The following CACNA2D1 variants were observed in gnomAD, a reference collection of about 807,000 sequenced individuals.
The protein encoded by CACNA2D1 is voltage-dependent calcium channel subunit alpha-2/delta-1.
In CACNA2D1, 53 loss-of-function variants were observed where a neutral mutation model predicts 171.5. That is an observed-to-expected ratio of 0.31 (90% CI 0.25 to 0.39). The LOEUF (loss-of-function observed/expected upper bound fraction) is 0.39. CACNA2D1 is among the 10% of genes least tolerant of loss of function. The pLI is 1.00. For synonymous variants in CACNA2D1, 442 were observed against 443.1 expected (o/e 1.00, Z 0.03); for missense variants, 903 against 1,299.8 (o/e 0.69, Z 4.69).
rs1554453722 is a variant in CACNA2D1, at chr7:82,192,509, T to TGA, written c.295-21902_295-21901dup. Reference sequence around the variant, plus strand: ...GTGTGTGTGTGTGTGTGTGTGTGTGTGAATATAGAGACAGGTAAAAAGAAT... The same window carrying TGA: ...GTGTGTGTGTGTGTGTGTGTGTGTGTGAGAATATAGAGACAGGTAAAAAGAAT... On this transcript the variant is annotated intron_variant, in intron 3 of 38. Coordinates refer to ENST00000356860, the MANE Select transcript of CACNA2D1 (RefSeq NM_000722.4). Among the ~76,000 whole-genome samples the TGA allele has an allele frequency of 3.9e-5, 5 of 126,798 alleles. No individual in the cohort carries two copies. The South Asian group carries it at 1.3e-3, about 32-fold the overall frequency. The allele number at this position is 126,798 out of a possible 152,430, so 83.2% of individuals were successfully genotyped here. A position where few individuals can be genotyped will look rare whatever the true frequency, so the allele number is the denominator to read the frequency against.
intron 9 of CACNA2D1, among the ~76,000 whole-genome samples, chr7:82,061,388 G>A (rs1011920127): frequency 2.6e-4 from 40 of 152,158 alleles, no homozygotes; most frequent in African/African-American, 9.6e-4. Context: ...ATTATACGAA[G>A]ATGCTGAGCT....
chr7:82,191,161 G>A (rs1213912694), intron 3 of CACNA2D1, among the ~76,000 whole-genome samples: 1 of 151,650 alleles, frequency 6.6e-6, no homozygotes, highest in Non-Finnish European at 1.5e-5. Context: ...AGAAATCAAA[G>A]AGTTAAGGGA....
At chr7:82,203,441 A>C (rs900900110) in intron 3 of CACNA2D1, among the ~76,000 whole-genome samples, 8 of 152,288 alleles carry the variant, frequency 5.3e-5, no homozygotes, top group African/African-American at 1.9e-4. Context: ...GCAGGGCTAT[A>C]GCATAGCCCC....
intron 3 of CACNA2D1, among the ~76,000 whole-genome samples, chr7:82,316,755 G>C (rs774159221): frequency 1.3e-5 from 2 of 152,148 alleles, no homozygotes; most frequent in South Asian, 2.1e-4. Flanking sequence ...GAAGGCACAG[G>C]AGAAGCAAAG....
chr7:81,963,838 A>T (rs1794422911), intron 34 of CACNA2D1, among the ~76,000 whole-genome samples: 1 of 152,048 alleles, frequency 6.6e-6, no homozygotes. Flanking sequence ...TTACATCCGC[A>T]TAACATTGTT....
chr7:82,241,483 C>A (rs945019584), intron 3 of CACNA2D1, among the ~76,000 whole-genome samples: 3 of 152,148 alleles, frequency 2.0e-5, no homozygotes, highest in African/African-American at 7.2e-5. Context: ...CAATACCCCA[C>A]AATGAAATCT....
rs1799257951 is a variant in CACNA2D1, at chr7:82,007,555, G to T, written c.1440+124C>A. On this transcript the variant is annotated intron_variant, in intron 16 of 38. Coordinates refer to ENST00000356860, the MANE Select transcript of CACNA2D1 (RefSeq NM_000722.4). Reference sequence around the variant, plus strand: ...TATCGCATAGGCAGCTGTTGCCTTTGACCTCTGGCCTCACAAGACAATTAC... The same window carrying T: ...TATCGCATAGGCAGCTGTTGCCTTTTACCTCTGGCCTCACAAGACAATTAC... The T allele has an allele frequency of 9.2e-6, 6 of 652,222 alleles. No individual in the cohort carries two copies. The East Asian group carries it at 1.7e-4, about 18-fold the overall frequency. The allele number at this position is 652,222 out of a possible 1,614,324, so 40.4% of individuals were successfully genotyped here.
At chr7:82,295,093 G>A (rs1157023992) in intron 3 of CACNA2D1, among the ~76,000 whole-genome samples, 42 of 152,088 alleles carry the variant, frequency 2.8e-4, no homozygotes, top group Admixed American at 2.8e-3. Context: ...ATCGTTTTTG[G>A]AGAACACCTA....
chr7:82,220,359 G>A (rs1269955256), intron 3 of CACNA2D1, among the ~76,000 whole-genome samples: 1 of 152,064 alleles, frequency 6.6e-6, no homozygotes, highest in Admixed American at 6.6e-5. Context: ...GGGTTTAGGT[G>A]GATCTTTACT....
intron 3 of CACNA2D1, among the ~76,000 whole-genome samples, chr7:82,194,810 C>T (rs4732432): frequency 0.83 from 126,418 of 151,786 alleles, 53,300 homozygotes; most frequent in Non-Finnish European, 0.9. Flanking sequence ...CTCTCAAGTG[C>T]ATTCTAGAAT....
At chr7:82,261,360 A>T (rs781209809) in intron 3 of CACNA2D1, among the ~76,000 whole-genome samples, 5 of 152,186 alleles carry the variant, frequency 3.3e-5, no homozygotes, top group Non-Finnish European at 5.9e-5. Flanking sequence ...GCACGTTCAC[A>T]TGACTGTAAG....
rs576169420 is a variant in CACNA2D1, at chr7:82,151,179, A to C, written c.355-14503T>G. ...TCATCTCTTGTCCAAATTTAAAAGAAAAAAGTAAAGGAGAGGCAAGGAAAG... is the reference window on the plus strand; with the variant it reads ...TCATCTCTTGTCCAAATTTAAAAGACAAAAGTAAAGGAGAGGCAAGGAAAG... On this transcript the variant is annotated intron_variant, in intron 4 of 38. Coordinates refer to ENST00000356860, the MANE Select transcript of CACNA2D1 (RefSeq NM_000722.4). Among the ~76,000 whole-genome samples, 4 of 152,324 alleles carry C rather than the reference A, an allele frequency of 2.6e-5. No homozygotes were observed. The South Asian group carries it at 8.3e-4, about 32-fold the overall frequency.
At chr7:82,035,769 T>C (rs1438605816) in intron 11 of CACNA2D1, among the ~76,000 whole-genome samples, 3 of 152,168 alleles carry the variant, frequency 2.0e-5, no homozygotes, top group Admixed American at 2.0e-4. Flanking sequence ...AACTCAATTA[T>C]TGACTTAAGC....
chr7:82,116,940 C>A (rs1789116399), intron 6 of CACNA2D1, 104 bp downstream of exon 6: 1 of 1,276,072 alleles, frequency 7.8e-7, no homozygotes, highest in Non-Finnish European at 1.1e-6. Context: ...ATATGACAAA[C>A]AAAACAATGT....
intron 5 of CACNA2D1, among the ~76,000 whole-genome samples, chr7:82,118,679 A>G (rs1789359231): frequency 6.6e-6 from 1 of 152,096 alleles, no homozygotes; most frequent in African/African-American, 2.4e-5. Context: ...TCTCACACTT[A>G]ACAATTAGCA....
In CACNA2D1 at chr7:82,185,800, T is replaced by A. The variant is rs116067149; in HGVS notation, c.295-15191A>T. On this transcript the variant is annotated intron_variant, in intron 3 of 38. Transcript: ENST00000356860. ...TTAATATTTATCCAGGGTATCTCCA[T>A]GCATTCAAGAAACTAATTTATACTA... Among the ~76,000 whole-genome samples, 717 of 152,150 alleles carry A rather than the reference T, an allele frequency of 4.7e-3. 4 individuals carry two copies. Among genetic ancestry groups the A allele is most frequent in the African/African-American group, 0.016 (680 of 41,522 alleles).
chr7:81,963,735 G>T (rs528295253), intron 34 of CACNA2D1, among the ~76,000 whole-genome samples: 3 of 151,968 alleles, frequency 2.0e-5, no homozygotes, highest in Admixed American at 6.6e-5. Context: ...ACACCTAAAA[G>T]AAATTAGTGT....
At chr7:82,222,791 C>G (rs1412807078) in intron 3 of CACNA2D1, among the ~76,000 whole-genome samples, 1 of 151,584 alleles carries the variant, frequency 6.6e-6, no homozygotes, top group African/African-American at 2.4e-5. Context: ...ATACTAGGTA[C>G]TAAATAATTA....
rs560707282 is a variant in CACNA2D1 at position 82,394,555 on chromosome 7, GTTGTACC to G, written c.96-44913_96-44907del. ...TTTGCTTCAAAGACATTTTTTGAGA[GTTGTACC>G]TTGTATTTGAGACACAGAAAAATGA... On this transcript the variant is annotated intron_variant, in intron 1 of 38. Transcript: ENST00000356860. Among the ~76,000 whole-genome samples, 30 of 152,240 alleles carry G rather than the reference GTTGTACC, an allele frequency of 2.0e-4. No homozygotes were observed. The East Asian group carries it at 5.8e-3, about 29-fold the overall frequency.
Sources: gnomAD v4.1 joint callset for allele counts (sites outside exome capture counted in the v4.1 genomes callset) on GRCh38, gnomAD v4.1.1 for gene constraint, MANE v1.5 for transcripts, NCBI Gene and HGNC (gene_info 2026-07-23, HGNC 2026-07-21) for gene names.